BMP2K: variants seen among roughly 807,000 people sequenced by gnomAD.
The protein encoded by BMP2K is BMP2 inducible kinase, also known as BMP-2-inducible protein kinase.
A neutral mutation model predicts 116.0 loss-of-function variants in BMP2K; 74 were observed. That is an observed-to-expected ratio of 0.64 (90% CI 0.53 to 0.77). The LOEUF is 0.77. Ranked by LOEUF, BMP2K falls within the 30% of genes least tolerant of loss-of-function variation. The pLI is 0.00. For missense variants in BMP2K, 1,365 were observed against 1,403.6 expected (o/e 0.97, Z 0.44); for synonymous variants, 486 against 502.5 (o/e 0.97, Z 0.44).
Position 78,776,683 on chromosome 4 carries a change from G to A in BMP2K, c.140G>A (p.Gly47Asp). The A allele has an allele frequency of 1.6e-6, 2 of 1,249,716 alleles. No individual in the cohort carries two copies. The highest frequency in any genetic ancestry group is 2.0e-6 in the Non-Finnish European group (2 of 993,082). The allele number at this position is 1,249,716 out of a possible 1,614,324, so 77.4% of individuals were successfully genotyped here. A position where few individuals can be genotyped will look rare whatever the true frequency, so the allele number is the denominator to read the frequency against. ...SSVGVRVFAV[G>D]RHQVTLEESL... ...GTGGGGGTCCGGGTGTTCGCGGTCGGCCGCCACCAGGTCACCCTGGAAGAG... is the reference window on the plus strand; with the variant it reads ...GTGGGGGTCCGGGTGTTCGCGGTCGACCGCCACCAGGTCACCCTGGAAGAG... Residue 47 changes from glycine to aspartate, a missense_variant, in exon 1 of 16, where the codon GGC becomes GAC. By Grantham distance (94) the Gly-to-Asp change is moderately conservative. Coordinates refer to ENST00000502613, the MANE Select transcript of BMP2K (RefSeq NM_198892.2).
At chr4:78,785,320 A>G (rs1727680919) in intron 1 of BMP2K, among the ~76,000 whole-genome samples, 1 of 152,076 alleles carries the variant, frequency 6.6e-6, no homozygotes, top group Admixed American at 6.6e-5. Context: ...CGTGTTGGCC[A>G]GGCTGGTTTC....
chr4:78,888,973 G>A (rs1733262831), intron 15 of BMP2K, among the ~76,000 whole-genome samples: 1 of 152,154 alleles, frequency 6.6e-6, no homozygotes, highest in Non-Finnish European at 1.5e-5. Context: ...TGTAATCCCA[G>A]CACTTTGGGA....
chr4:78,798,701 T>A (rs936904543), intron 1 of BMP2K, among the ~76,000 whole-genome samples: 2 of 152,228 alleles, frequency 1.3e-5, no homozygotes, highest in African/African-American at 4.8e-5. Context: ...TTAAGTGAAA[T>A]ATATTTTAAT....
At position 78,911,923 on chromosome 4, in the gene BMP2K, G is replaced by A. The variant is rs747718945; in HGVS notation, c.3376G>A (p.Val1126Met). ...DVLKMDDFGAVPFTELVVQSI... is the reference protein window; with the variant it reads ...DVLKMDDFGAMPFTELVVQSI... Reference sequence around the variant, plus strand: ...ATTGAAAATGGATGATTTTGGTGCCGTGCCCTTTACAGAACTTGTGGTGCA... The same window carrying A: ...ATTGAAAATGGATGATTTTGGTGCCATGCCCTTTACAGAACTTGTGGTGCA... The change falls in exon 16 of 16, where the codon GTG becomes ATG. Residue 1126 changes from valine (V) to methionine (M), a missense_variant. This residue lies in a region of BMP2K where 596 missense variants were observed against 623.2 expected (regional missense o/e 0.96). Transcript: ENST00000502613. The A allele has an allele frequency of 1.7e-5, 27 of 1,613,966 alleles. No homozygotes were observed. Among genetic ancestry groups the A allele is most frequent in the South Asian group, 7.7e-5 (7 of 91,078 alleles).
rs371396282 is a variant in BMP2K at position 78,870,886 on chromosome 4, T to C, written c.1335T>C (p.Asp445=). 291 of 1,612,674 alleles carry C rather than the reference T, an allele frequency of 1.8e-4. No homozygotes were observed. Among genetic ancestry groups the C allele is most frequent in the Non-Finnish European group, 2.4e-4 (283 of 1,179,594 alleles). Residue 445 remains aspartate (D), a synonymous_variant, in exon 11 of 16, where the codon GAT becomes GAC. Coordinates refer to ENST00000502613, the MANE Select transcript of BMP2K (RefSeq NM_198892.2). The part of the protein sequence containing the change: ...HRVLQQLQQG[D]WRLQQLHLQH... ...TACTCCAGCAACTACAGCAGGGAGA[T>C]TGGAGATTACAGCAACTCCATTTAC...
At chr4:78,812,391 GT>G (rs1437235111) in intron 1 of BMP2K, among the ~76,000 whole-genome samples, 2 of 152,098 alleles carry the variant, frequency 1.3e-5, no homozygotes, top group African/African-American at 4.8e-5. Flanking sequence ...CATATCTCTT[GT>G]TTTTATCTCT....
At chr4:78,856,949 A>G (rs747843886) in intron 7 of BMP2K, among the ~76,000 whole-genome samples, 3 of 152,152 alleles carry the variant, frequency 2.0e-5, no homozygotes, top group African/African-American at 4.8e-5. Context: ...TAGTCTAACA[A>G]TTTGACAAAT....
At chr4:78,795,412 G>A (rs191156083) in intron 1 of BMP2K, among the ~76,000 whole-genome samples, 176 of 152,322 alleles carry the variant, frequency 1.2e-3, no homozygotes, top group African/African-American at 4.1e-3. Flanking sequence ...GAAAGCAGAT[G>A]ATGGGTTAAA....
intron 1 of BMP2K, among the ~76,000 whole-genome samples, chr4:78,819,246 T>C (rs996299497): frequency 6.6e-6 from 1 of 152,106 alleles, no homozygotes; most frequent in African/African-American, 2.4e-5. Flanking sequence ...GGCCATCCAC[T>C]CTCCTTGGCC....
chr4:78,844,971 G>C lies in BMP2K; in HGVS notation c.590G>C (p.Cys197Ser). 1 of 1,600,714 alleles carries C rather than the reference G, an allele frequency of 6.2e-7. No homozygotes were observed. The highest frequency in any genetic ancestry group is 8.6e-7 in the Non-Finnish European group (1 of 1,169,280). Residue 197 changes from cysteine (C) to serine (S), a missense_variant, in exon 5 of 16, where the codon TGT becomes TCT. Cys to Ser is a moderately radical substitution (Grantham distance 112). Coordinates refer to ENST00000502613, the MANE Select transcript of BMP2K (RefSeq NM_198892.2). Reference protein sequence around the residue: ...LLNDGGNYVLCDFGSATNKFL... With the variant: ...LLNDGGNYVLSDFGSATNKFL... ...AATGATGGTGGGAACTATGTACTTTGTGACTTTGGCAGTGCCACTAATAAA... is the reference window on the plus strand; with the variant it reads ...AATGATGGTGGGAACTATGTACTTTCTGACTTTGGCAGTGCCACTAATAAA...
At chr4:78,837,135 T>C (rs992555731) in intron 3 of BMP2K, among the ~76,000 whole-genome samples, 5 of 152,074 alleles carry the variant, frequency 3.3e-5, no homozygotes, top group African/African-American at 1.2e-4. Context: ...CCTCTATCTT[T>C]TAGCTCTTCT....
chr4:78,782,538 G>A (rs1578461412), intron 1 of BMP2K, among the ~76,000 whole-genome samples: 2 of 152,208 alleles, frequency 1.3e-5, no homozygotes, highest in African/African-American at 4.8e-5. Context: ...CTCTTTACTG[G>A]ACCATCAAAG....
chr4:78,871,907 G>T lies in BMP2K; in HGVS notation c.1567G>T (p.Val523Leu). ...TCAACAACAATTTTTAATGCATTCG[G>T]TATATCAACCACAACCTTCTGCATC... is the stretch of plus-strand genomic sequence containing the variant. ...MLQQQFLMHSVYQPQPSASQY... is the reference protein window; with the variant it reads ...MLQQQFLMHSLYQPQPSASQY... Residue 523 changes from valine to leucine, a missense_variant, in exon 12 of 16, where the codon GTA becomes TTA. Val to Leu is a conservative substitution (Grantham distance 32). Around this residue, in one of 3 missense-constraint regions of BMP2K, gnomAD observed 762 missense variants for 756.7 expected, o/e 1.01. Transcript: ENST00000502613. The T allele has an allele frequency of 1.9e-6, 3 of 1,612,532 alleles. No individual in the cohort carries two copies. Among genetic ancestry groups the T allele is most frequent in the African/African-American group, 2.7e-5 (2 of 74,946 alleles).
chr4:78,890,604 A>G (rs762658944), intron 15 of BMP2K, among the ~76,000 whole-genome samples: 5 of 152,056 alleles, frequency 3.3e-5, no homozygotes, highest in Non-Finnish European at 7.4e-5. Context: ...TATAATCACT[A>G]TGTTTTTTGT....
rs755876244 is a variant in BMP2K at position 78,842,562 on chromosome 4, A to C, written c.546+35A>C. Reference sequence around the variant, plus strand: ...TTAGAATTCCTATGGATTAAGTAATAAGTTGGAGTTAAAATGTTCTTGGAG... The same window carrying C: ...TTAGAATTCCTATGGATTAAGTAATCAGTTGGAGTTAAAATGTTCTTGGAG... On this transcript the variant is annotated intron_variant, in intron 4 of 15. Coordinates refer to ENST00000502613, the MANE Select transcript of BMP2K (RefSeq NM_198892.2). The C allele has an allele frequency of 8.0e-6, 12 of 1,505,796 alleles. 1 individual carries two copies. The South Asian group carries it at 1.3e-4, about 17-fold the overall frequency. The allele number at this position is 1,505,796 out of a possible 1,614,324, so 93.3% of individuals were successfully genotyped here. A position where few individuals can be genotyped will look rare whatever the true frequency, so the allele number is the denominator to read the frequency against.
At chr4:78,792,552 T>G (rs1460305047) in intron 1 of BMP2K, among the ~76,000 whole-genome samples, 1 of 152,228 alleles carries the variant, frequency 6.6e-6, no homozygotes, top group Non-Finnish European at 1.5e-5. Flanking sequence ...AATTTGAACT[T>G]TCAAAGAAAA....
rs369328195 is a variant in BMP2K, at chr4:78,872,997, A to G, written c.1793+199A>G. On this transcript the variant is annotated intron_variant, in intron 13 of 15. Transcript: ENST00000502613. Reference sequence around the variant, plus strand: ...TCCTCAGTTAATTCTGCTAACTGCTATTTGTAGGTAAGGTGTAGCAACATC... The same window carrying G: ...TCCTCAGTTAATTCTGCTAACTGCTGTTTGTAGGTAAGGTGTAGCAACATC... 4.6e-5 allele frequency among the ~76,000 whole-genome samples: 7 copies of G among 152,230 alleles called. No individual in the cohort carries two copies. In the East Asian group the frequency reaches 1.4e-3, roughly 29 times the overall value.
intron 10 of BMP2K, among the ~76,000 whole-genome samples, chr4:78,868,816 A>G (rs1422504199): frequency 6.6e-6 from 1 of 152,200 alleles, no homozygotes; most frequent in Non-Finnish European, 1.5e-5. Context: ...ATGCTGATGC[A>G]AAAGGTGGGT....
intron 15 of BMP2K, among the ~76,000 whole-genome samples, chr4:78,907,852 G>A (rs944607989): frequency 2.6e-5 from 4 of 152,146 alleles, no homozygotes; most frequent in East Asian, 1.9e-4. Context: ...GTGAGCAGGC[G>A]TGAGGTGTGA....
Sources: allele counts gnomAD v4.1 joint callset (sites outside exome capture counted in the v4.1 genomes callset), GRCh38; gene constraint gnomAD v4.1.1; regional missense constraint gnomAD v4.1.1; transcripts MANE v1.5; gene names NCBI Gene and HGNC (gene_info 2026-07-23, HGNC 2026-07-21).